The following PDE11A variants were observed in gnomAD, a reference collection of about 807,000 sequenced individuals.
PDE11A encodes the protein dual 3',5'-cyclic-AMP and -GMP phosphodiesterase 11A.
PDE11A carries 100 observed loss-of-function variants against 100.5 expected under a neutral mutation model. The observed-to-expected ratio is 1.00, with a 90% CI of 0.85 to 1.18. The LOEUF is 1.18. Ranked by LOEUF, PDE11A falls within the 50% of genes most tolerant of loss-of-function variation. The pLI is 0.00. For synonymous variants in PDE11A, 381 were observed against 420.8 expected (o/e 0.91, Z 1.16); for missense variants, 1,141 against 1,152.6 (o/e 0.99, Z 0.15).
intron 5 of PDE11A, among the ~76,000 whole-genome samples, chr2:177,860,824 T>A (rs1558978441): frequency 6.6e-6 from 1 of 151,720 alleles, no homozygotes; most frequent in Non-Finnish European, 1.5e-5. Flanking sequence ...TTTAATAGAA[T>A]AAAAGACAAA....
intron 6 of PDE11A, among the ~76,000 whole-genome samples, chr2:177,826,721 C>T (rs1014774382): frequency 5.3e-5 from 8 of 152,188 alleles, no homozygotes; most frequent in African/African-American, 1.9e-4. Context: ...CTACCCACTG[C>T]TTCCCCATTC....
chr2:177,814,248 T>G (rs753273989), intron 9 of PDE11A, among the ~76,000 whole-genome samples: 1 of 150,992 alleles, frequency 6.6e-6, no homozygotes, highest in Non-Finnish European at 1.5e-5. Flanking sequence ...TTACACATAT[T>G]CATATATAAT....
chr2:177,853,680 A>ATATATG (rs2083766252), intron 5 of PDE11A, among the ~76,000 whole-genome samples: 2 of 36,530 alleles, frequency 5.5e-5, no homozygotes, highest in African/African-American at 1.8e-4. Flanking sequence ...ATATATATAT[A>ATATATG]TGTGTGTGTG....
intron 19 of PDE11A, among the ~76,000 whole-genome samples, chr2:177,639,846 T>C (rs1424730518): frequency 6.6e-6 from 1 of 152,128 alleles, no homozygotes; most frequent in African/African-American, 2.4e-5. Flanking sequence ...AAAATGTGAG[T>C]ACTCCTATAC....
intron 9 of PDE11A, 89 bp from the exon 10 acceptor site, chr2:177,769,462 T>C (rs1339502147): frequency 1.8e-5 from 14 of 757,682 alleles, no homozygotes; most frequent in Non-Finnish European, 3.0e-5. Flanking sequence ...GCTTTGCTTA[T>C]GTATATCACC....
intron 4 of PDE11A, among the ~76,000 whole-genome samples, chr2:177,891,712 A>G (rs1448589188): frequency 6.6e-6 from 1 of 152,188 alleles, no homozygotes; most frequent in Non-Finnish European, 1.5e-5. Flanking sequence ...GTCAAATCTG[A>G]TCTACTACCT....
At chr2:177,767,675 T>TG (rs2082258556) in intron 10 of PDE11A, among the ~76,000 whole-genome samples, 1 of 152,092 alleles carries the variant, frequency 6.6e-6, no homozygotes, top group Non-Finnish European at 1.5e-5. Flanking sequence ...AAAATAATTA[T>TG]ATATTATCAC....
At chr2:177,802,383 G>A (rs539796748) in intron 9 of PDE11A, among the ~76,000 whole-genome samples, 3 of 152,000 alleles carry the variant, frequency 2.0e-5, no homozygotes, top group Non-Finnish European at 4.4e-5. Context: ...CATAGCATAT[G>A]TTCACAAAAA....
chr2:178,028,032 A>C (rs2086498926), intron 1 of PDE11A, among the ~76,000 whole-genome samples: 1 of 152,166 alleles, frequency 6.6e-6, no homozygotes, highest in Non-Finnish European at 1.5e-5. Context: ...CCCAGGTTAG[A>C]AAAAATCAGG....
chr2:177,638,473 A>T (rs768087877), intron 19 of PDE11A, among the ~76,000 whole-genome samples: 4 of 151,930 alleles, frequency 2.6e-5, no homozygotes, highest in African/African-American at 4.8e-5. Context: ...TGATCTATAT[A>T]ATCTCTGAAT....
chr2:177,686,219 T>G (rs1053896322), intron 15 of PDE11A, among the ~76,000 whole-genome samples: 2 of 152,190 alleles, frequency 1.3e-5, no homozygotes, highest in African/African-American at 4.8e-5. Flanking sequence ...ATTAGGAATC[T>G]TTCTGGATAA....
intron 2 of PDE11A, among the ~76,000 whole-genome samples, chr2:177,987,721 T>C (rs962910640): frequency 2.6e-5 from 4 of 152,258 alleles, no homozygotes; most frequent in South Asian, 2.1e-4. Context: ...TCTCTTCTTA[T>C]AGAATTTTAA....
At chr2:178,051,964 A>G (rs1485164902) in intron 1 of PDE11A, among the ~76,000 whole-genome samples, 1 of 152,176 alleles carries the variant, frequency 6.6e-6, no homozygotes, top group Non-Finnish European at 1.5e-5. Context: ...CGAGACAGAA[A>G]GTTAACAAGG....
chr2:178,018,124 G>A, intron 1 of PDE11A: 34 of 269,240 alleles, frequency 1.3e-4, no homozygotes, highest in South Asian at 3.6e-4. Flanking sequence ...AGGATGGTGT[G>A]GAGCACAGCA....
rs930896904 is a variant in PDE11A at position 177,902,804 on chromosome 2, C to T, written c.1161+2294G>A. ...ACTCATTTCCCATATCAGCAAGCCC[C>T]CACAGATTTCACCACTGATTTTGGA... On this transcript the variant is annotated intron_variant, in intron 3 of 19. Coordinates refer to ENST00000286063, the MANE Select transcript of PDE11A (RefSeq NM_016953.4). 4.6e-5 allele frequency among the ~76,000 whole-genome samples: 7 copies of T among 152,278 alleles called. No homozygotes were observed. In the South Asian group the frequency reaches 1.2e-3, roughly 27 times the overall value.
At chr2:178,106,019 C>CT (rs1360896064) in intron 1 of PDE11A, among the ~76,000 whole-genome samples, 1 of 152,150 alleles carries the variant, frequency 6.6e-6, no homozygotes, top group East Asian at 1.9e-4. Flanking sequence ...ATACCAAATT[C>CT]TTTGAGAGTA....
At chr2:177,999,903 C>G (rs1445478540) in intron 2 of PDE11A, among the ~76,000 whole-genome samples, 1 of 152,144 alleles carries the variant, frequency 6.6e-6, no homozygotes, top group Non-Finnish European at 1.5e-5. Flanking sequence ...TTTTCAAAAC[C>G]ACTCATTACT....
chr2:177,685,301 C>A (rs1314276505), intron 15 of PDE11A, among the ~76,000 whole-genome samples: 3 of 152,132 alleles, frequency 2.0e-5, no homozygotes, highest in Non-Finnish European at 4.4e-5. Flanking sequence ...GTAAACAACA[C>A]AAAATCTATT....
chr2:177,936,481 T>C (rs1377605109), intron 2 of PDE11A, among the ~76,000 whole-genome samples: 2 of 152,238 alleles, frequency 1.3e-5, no homozygotes, highest in East Asian at 3.8e-4. Flanking sequence ...ACTTATCAAC[T>C]GCTCACAGAT....
Sources: allele counts gnomAD v4.1 joint callset (sites outside exome capture counted in the v4.1 genomes callset), GRCh38; gene constraint gnomAD v4.1.1; transcripts MANE v1.5; gene names NCBI Gene and HGNC (gene_info 2026-07-23, HGNC 2026-07-21).